PITPNM3: variants seen among roughly 807,000 people sequenced by gnomAD.
PITPNM3 encodes the protein PITPNM family member 3, also known as membrane-associated phosphatidylinositol transfer protein 3.
In PITPNM3, 26 loss-of-function variants were observed where a neutral mutation model predicts 102.0. The observed-to-expected ratio is 0.25, with a 90% confidence interval of 0.19 to 0.35. PITPNM3 has a LOEUF of 0.35. Ranked by LOEUF, PITPNM3 falls within the 10% of genes least tolerant of loss-of-function variation. The pLI is 1.00. For synonymous variants in PITPNM3, 578 were observed against 558.6 expected (o/e 1.03, Z -0.49); for missense variants, 1,083 against 1,346.1 (o/e 0.80, Z 3.06).
chr17:6,532,342 T>C (rs964245479), intron 2 of PITPNM3, among the ~76,000 whole-genome samples: 3 of 152,128 alleles, frequency 2.0e-5, no homozygotes, highest in African/African-American at 7.2e-5. Context: ...TGAGGCATAA[T>C]TGACATTCCA....
In PITPNM3 at chr17:6,506,650, G is replaced by A. The variant is rs368078357; in HGVS notation, c.227-3076C>T. ...CTCCCAAAGGGCTGGGATTACAGGC[G>A]TGAGCCACCGCGCCCGGCCAGTGTT... On this transcript the variant is annotated intron_variant, in intron 3 of 19. Transcript: ENST00000262483. Among the ~76,000 whole-genome samples the A allele has an allele frequency of 1.1e-4, 16 of 152,300 alleles. No individual in the cohort carries two copies. In the East Asian group the frequency reaches 2.5e-3, roughly 24 times the overall value.
Position 6,470,555 on chromosome 17 carries a change from T to A in PITPNM3, c.1625-147A>T. ...GGAGCACCCTGGCCTGGAGGAGGCC[T>A]GGGGAACGCGCTGCTCTTCCTCCTT... On this transcript the variant is annotated intron_variant, in intron 12 of 19. Coordinates refer to ENST00000262483, the MANE Select transcript of PITPNM3 (RefSeq NM_031220.4). The surrounding 1 kb of genome is among the most constrained non-coding windows in gnomAD (Gnocchi z 4.8). The A allele has an allele frequency of 5.9e-6, 6 of 1,013,118 alleles. No homozygotes were observed. The highest frequency in any genetic ancestry group is 7.5e-6 in the Non-Finnish European group (5 of 663,632). 62.8% of individuals were successfully genotyped at this position (1,013,118 alleles called of 1,614,324 possible). A position where few individuals can be genotyped will look rare whatever the true frequency, so the allele number is the denominator to read the frequency against.
At chr17:6,466,676 C>G (rs535126882) in intron 14 of PITPNM3, among the ~76,000 whole-genome samples, 205 of 152,294 alleles carry the variant, frequency 1.3e-3, no homozygotes, top group African/African-American at 4.7e-3. Flanking sequence ...CTGTGGAAAA[C>G]AGTCTGGCAG....
chr17:6,479,003 T>C, intron 6 of PITPNM3: 1 of 518,392 alleles, frequency 1.9e-6, no homozygotes, highest in Non-Finnish European at 3.5e-6. Context: ...GACTGCAGTC[T>C]CTATTGCCCT....
At chr17:6,505,115 G>GC (rs1907410868) in intron 3 of PITPNM3, among the ~76,000 whole-genome samples, 1 of 151,492 alleles carries the variant, frequency 6.6e-6, no homozygotes, top group African/African-American at 2.4e-5. Context: ...GGTGGAGGTT[G>GC]CAGTGAGCCG....
At chr17:6,524,954 C>T (rs1255453211) in intron 3 of PITPNM3, among the ~76,000 whole-genome samples, 1 of 152,206 alleles carries the variant, frequency 6.6e-6, no homozygotes, top group Non-Finnish European at 1.5e-5. Context: ...ATTCTCACTG[C>T]TGTCCTTCTC....
At chr17:6,545,356 A>G (rs1909966235) in intron 1 of PITPNM3, among the ~76,000 whole-genome samples, 1 of 151,676 alleles carries the variant, frequency 6.6e-6, no homozygotes, top group Non-Finnish European at 1.5e-5. Context: ...CCAAGGGCAG[A>G]CCCCTCTCCT....
chr17:6,504,802 C>T (rs1239992033), intron 3 of PITPNM3, among the ~76,000 whole-genome samples: 1 of 152,192 alleles, frequency 6.6e-6, no homozygotes, highest in Non-Finnish European at 1.5e-5. Context: ...CCTGTATATG[C>T]CTCAATCTTC....
intron 2 of PITPNM3, among the ~76,000 whole-genome samples, chr17:6,533,619 T>C (rs143118495): frequency 1.4e-4 from 21 of 152,172 alleles, no homozygotes; most frequent in African/African-American, 5.1e-4. Context: ...CATGCCCAGC[T>C]AATTTTTTTG....
chr17:6,472,598 G>C lies in PITPNM3; in HGVS notation c.1429+59C>G. 1 of 1,566,906 alleles carries C rather than the reference G, an allele frequency of 6.4e-7. No homozygotes were observed. Among genetic ancestry groups the C allele is most frequent in the Non-Finnish European group, 8.7e-7 (1 of 1,154,348 alleles). On this transcript the variant is annotated intron_variant, in intron 11 of 19. Coordinates refer to ENST00000262483, the MANE Select transcript of PITPNM3 (RefSeq NM_031220.4). This position sits in a 1 kb window ranked among gnomAD's most constrained non-coding sequence, Gnocchi z 4.1. ...TACTCACTGAGAGCTTGGAGGGGTT[G>C]AATGGGCTGGGGCCCCACCTCCAGC...
At position 6,537,848 on chromosome 17, in the gene PITPNM3, C is replaced by T; in HGVS notation, c.118+139G>A. On this transcript the variant is annotated intron_variant, in intron 2 of 19. Coordinates refer to ENST00000262483, the MANE Select transcript of PITPNM3 (RefSeq NM_031220.4). This position sits in a 1 kb window ranked among gnomAD's most constrained non-coding sequence, Gnocchi z 4.4. ...TGAGCCCCTGCTCTTGGCACATCCACAGGATGGGTAAGTATGGAGTGTGGA... is the reference window on the plus strand; with the variant it reads ...TGAGCCCCTGCTCTTGGCACATCCATAGGATGGGTAAGTATGGAGTGTGGA... 2 of 775,772 alleles carry T rather than the reference C, an allele frequency of 2.6e-6. No individual in the cohort carries two copies. The allele number at this position is 775,772 out of a possible 1,614,324, so 48.1% of individuals were successfully genotyped here.
rs575576295 is a variant in PITPNM3, at chr17:6,477,961, TC to T, written c.900+13del. The T allele has an allele frequency of 1.7e-4, 281 of 1,611,502 alleles. No individual in the cohort carries two copies. In the African/African-American group the frequency reaches 3.5e-3, roughly 20 times the overall value. On this transcript the variant is annotated intron_variant, in intron 8 of 19. Coordinates refer to ENST00000262483, the MANE Select transcript of PITPNM3 (RefSeq NM_031220.4). ...TGGGCATACCCCTCCCGCGGTCCTG[TC>T]CCCCGGCTGTACCTGGGTGCTGCTG... is the stretch of plus-strand genomic sequence containing the variant.
At chr17:6,473,391 T>C in intron 10 of PITPNM3, among the ~76,000 whole-genome samples, 1 of 152,164 alleles carries the variant, frequency 6.6e-6, no homozygotes, top group Admixed American at 6.5e-5. Flanking sequence ...GAACAGGGAC[T>C]GGACCGTCCA....
At chr17:6,548,173 T>C (rs570414380) in intron 1 of PITPNM3, among the ~76,000 whole-genome samples, 6 of 152,154 alleles carry the variant, frequency 3.9e-5, no homozygotes, top group Non-Finnish European at 8.8e-5. Flanking sequence ...TGTGACCCCC[T>C]GCAGGTGATC....
chr17:6,455,133 A>G lies in PITPNM3; in HGVS notation c.*205T>C. 9.7e-6 allele frequency: 6 copies of G among 618,440 alleles called. No individual in the cohort carries two copies. The highest frequency in any genetic ancestry group is 1.6e-5 in the Non-Finnish European group (6 of 378,572). 38.3% of individuals were successfully genotyped at this position (618,440 alleles called of 1,614,324 possible). ...GTGGGAGGCAGCAGTGGCTGCACCG[A>G]GATCCCCGGACCTCACCCCGTCGCA... is the stretch of plus-strand genomic sequence containing the variant. On this transcript the variant is annotated 3_prime_UTR_variant, in exon 20 of 20. Coordinates refer to ENST00000262483, the MANE Select transcript of PITPNM3 (RefSeq NM_031220.4).
chr17:6,455,897 C>T (rs1367480745), intron 19 of PITPNM3, among the ~76,000 whole-genome samples: 1 of 151,712 alleles, frequency 6.6e-6, no homozygotes, highest in African/African-American at 2.4e-5. Context: ...TCCAAGGAAC[C>T]CTGGGGAAGT....
In PITPNM3 at chr17:6,471,342, G is replaced by T; in HGVS notation, c.1443C>A (p.His481Gln). Residue 481 changes from histidine (H) to glutamine (Q), a missense_variant, in exon 12 of 20, where the codon CAC (histidine) becomes CAA (glutamine). By Grantham distance (24) the His-to-Gln change is conservative. Around this residue, in one of 5 missense-constraint regions of PITPNM3, gnomAD observed 410 missense variants for 638.4 expected, o/e 0.64. Transcript: ENST00000262483. ...CCTCCAGGAAGAGGGGGCTGTGGGT[G>T]TGTAGGGCATCAGCTGGAGGGGGAA... ...GQSLLLADAL[H>Q]THSPLFLEGS... 1 of 1,598,800 alleles carries T rather than the reference G, an allele frequency of 6.3e-7. No individual in the cohort carries two copies. The highest frequency in any genetic ancestry group is 8.5e-7 in the Non-Finnish European group (1 of 1,173,990).
intron 3 of PITPNM3, among the ~76,000 whole-genome samples, chr17:6,507,489 C>G (rs1907600974): frequency 1.3e-5 from 2 of 152,018 alleles, no homozygotes; most frequent in South Asian, 4.1e-4. Context: ...GAGGCTGAGG[C>G]AGGAGAATCA....
At position 6,556,313 on chromosome 17, in the gene PITPNM3, G is replaced by T; in HGVS notation, c.22+72C>A. The T allele has an allele frequency of 1.5e-6, 2 of 1,310,598 alleles. No individual in the cohort carries two copies. Among genetic ancestry groups the T allele is most frequent in the Non-Finnish European group, 1.0e-6 (1 of 997,036 alleles). The allele number at this position is 1,310,598 out of a possible 1,614,324, so 81.2% of individuals were successfully genotyped here. A position where few individuals can be genotyped will look rare whatever the true frequency, so the allele number is the denominator to read the frequency against. Reference sequence around the variant, plus strand: ...CCTGCGCGAGGGGTTCACCTGGGCCGGCGGCCCCTCCTCTAGACGCGCGAG... The same window carrying T: ...CCTGCGCGAGGGGTTCACCTGGGCCTGCGGCCCCTCCTCTAGACGCGCGAG... On this transcript the variant is annotated intron_variant, in intron 1 of 19. Coordinates refer to ENST00000262483, the MANE Select transcript of PITPNM3 (RefSeq NM_031220.4). The surrounding 1 kb of genome is among the most constrained non-coding windows in gnomAD (Gnocchi z 5.2).
Sources: allele counts gnomAD v4.1 joint callset (sites outside exome capture counted in the v4.1 genomes callset), GRCh38; gene constraint gnomAD v4.1.1; regional missense constraint gnomAD v4.1.1; non-coding constraint Gnocchi (gnomAD v3.1); transcripts MANE v1.5; gene names NCBI Gene and HGNC (gene_info 2026-07-23, HGNC 2026-07-21).